AFF1: variants seen among roughly 807,000 people sequenced by gnomAD.
AFF1 encodes the protein AF4/FMR2 family member 1.
In AFF1, 48 loss-of-function variants were observed where a neutral mutation model predicts 121.7. That is an observed-to-expected ratio of 0.39 (90% CI 0.31 to 0.50). The LOEUF (loss-of-function observed/expected upper bound fraction) is 0.50. Among genes scored for constraint, AFF1 ranks in the 20% least tolerant of loss-of-function variants. AFF1 has a pLI of 0.76. For synonymous variants in AFF1, 613 were observed against 563.0 expected (o/e 1.09, Z -1.26); for missense variants, 1,523 against 1,511.7 (o/e 1.01, Z -0.12).
intron 2 of AFF1, among the ~76,000 whole-genome samples, chr4:86,975,492 C>G (rs1333746635): frequency 6.6e-6 from 1 of 152,140 alleles, no homozygotes; most frequent in Non-Finnish European, 1.5e-5. Flanking sequence ...CTCAAGTGAT[C>G]CTCCTGCCTC....
chr4:87,059,347 G>C (rs1720491686), intron 4 of AFF1, among the ~76,000 whole-genome samples: 1 of 152,032 alleles, frequency 6.6e-6, no homozygotes, highest in South Asian at 2.1e-4. Context: ...CCTTCCTCCT[G>C]GTCATCAGTT....
Position 87,105,650 on chromosome 4 carries a change from C to A in AFF1, c.1306C>A (p.Leu436Ile). Reference protein sequence around the residue: ...TSSMLEDDLQLSDSEDSDSEQ... With the variant: ...TSSMLEDDLQISDSEDSDSEQ... ...CAGCATGCTCGAAGACGACCTTCAG[C>A]TCAGTGACAGTGAGGACAGTGACAG... The change falls in exon 9 of 21, where the codon CTC becomes ATC. Residue 436 changes from leucine (L) to isoleucine (I), a missense_variant. Around this residue, in one of 5 missense-constraint regions of AFF1, gnomAD observed 905 missense variants for 842.5 expected, o/e 1.07. Coordinates refer to ENST00000395146, the MANE Select transcript of AFF1 (RefSeq NM_001166693.3). 6.2e-7 allele frequency: 1 copy of A among 1,614,194 alleles called. No individual in the cohort carries two copies. Among genetic ancestry groups the A allele is most frequent in the South Asian group, 1.1e-5 (1 of 91,086 alleles).
At chr4:87,039,200 A>G (rs540757717) in intron 2 of AFF1, among the ~76,000 whole-genome samples, 39 of 152,352 alleles carry the variant, frequency 2.6e-4, no homozygotes, top group African/African-American at 9.1e-4. Context: ...TTTAGTGTGA[A>G]GGAAAGAGAA....
rs987889908 is a variant in AFF1, at chr4:87,003,873, C to T, written c.39-42293C>T. Among the ~76,000 whole-genome samples the T allele has an allele frequency of 6.6e-5, 10 of 152,080 alleles. 1 individual carries two copies. The South Asian group carries it at 1.0e-3, about 16-fold the overall frequency. ...ATGCGTACAAAGGTATTTTGTTGTC[C>T]GATATAGATTTCTTACAAATGAAAA... On this transcript the variant is annotated intron_variant, in intron 2 of 20. Coordinates refer to ENST00000395146, the MANE Select transcript of AFF1 (RefSeq NM_001166693.3).
At chr4:86,993,366 C>T (rs1459994785) in intron 2 of AFF1, among the ~76,000 whole-genome samples, 1 of 152,066 alleles carries the variant, frequency 6.6e-6, no homozygotes, top group Non-Finnish European at 1.5e-5. Context: ...TTTTTTCTCC[C>T]ACAAATGAGG....
At chr4:87,002,534 T>C (rs528151966) in intron 2 of AFF1, among the ~76,000 whole-genome samples, 1 of 144,222 alleles carries the variant, frequency 6.9e-6, no homozygotes, top group African/African-American at 2.6e-5. Context: ...CAGGTTCAAG[T>C]AATTCTTCTG....
At chr4:86,952,653 TAAAG>T in intron 2 of AFF1, among the ~76,000 whole-genome samples, 1 of 145,968 alleles carries the variant, frequency 6.9e-6, no homozygotes, top group Admixed American at 6.8e-5. Context: ...TCCCAGGACT[TAAAG>T]TAAAAAAAAA....
At chr4:87,112,161 C>A (rs931154862) in intron 11 of AFF1, among the ~76,000 whole-genome samples, 1 of 152,194 alleles carries the variant, frequency 6.6e-6, no homozygotes, top group African/African-American at 2.4e-5. Flanking sequence ...CAGTTAACCA[C>A]TTATGTAACC....
chr4:87,107,575 T>C (rs1265934890), intron 10 of AFF1, among the ~76,000 whole-genome samples: 3 of 152,252 alleles, frequency 2.0e-5, no homozygotes, highest in African/African-American at 7.2e-5. Flanking sequence ...TAGTGGTCTT[T>C]GGCTACCACC....
intron 8 of AFF1, among the ~76,000 whole-genome samples, chr4:87,105,403 A>T (rs1203485616): frequency 2.6e-5 from 4 of 152,148 alleles, no homozygotes; most frequent in African/African-American, 4.8e-5. Flanking sequence ...CTTGCACTTA[A>T]CTGGTTTCTG....
At chr4:86,961,742 A>G (rs1722164569) in intron 2 of AFF1, among the ~76,000 whole-genome samples, 1 of 151,448 alleles carries the variant, frequency 6.6e-6, no homozygotes, top group South Asian at 2.1e-4. Flanking sequence ...AGCCCTTTTC[A>G]TCGCCGTGGT....
Position 87,138,114 on chromosome 4 carries a change from CT to C in AFF1, c.*2416del, listed in dbSNP as rs1729445233. 12 of 228,752 alleles carry C rather than the reference CT, an allele frequency of 5.2e-5. No homozygotes were observed. The South Asian group carries it at 2.2e-3, about 42-fold the overall frequency. 14.2% of individuals were successfully genotyped at this position (228,752 alleles called of 1,614,324 possible). A position where few individuals can be genotyped will look rare whatever the true frequency, so the allele number is the denominator to read the frequency against. ...AATGTGCATAGATCAATTTGTACTA[CT>C]TTGGTCATTGGATATTTCTGATCCT... On this transcript the variant is annotated 3_prime_UTR_variant, in exon 21 of 21. Coordinates refer to ENST00000395146, the MANE Select transcript of AFF1 (RefSeq NM_001166693.3).
intron 2 of AFF1, among the ~76,000 whole-genome samples, chr4:86,962,440 G>A (rs961864469): frequency 1.3e-5 from 2 of 152,148 alleles, no homozygotes; most frequent in Admixed American, 1.3e-4. Context: ...CCCATGGAGT[G>A]CTTGGTACTC....
intron 16 of AFF1, 75 bp downstream of exon 16, chr4:87,127,778 G>A (rs1728436215): frequency 4.9e-6 from 7 of 1,436,060 alleles, no homozygotes; most frequent in Non-Finnish European, 6.8e-6. Flanking sequence ...TCTCCATTCT[G>A]CTGTATTCCA....
At chr4:86,993,788 C>A (rs1464478193) in intron 2 of AFF1, among the ~76,000 whole-genome samples, 1 of 151,942 alleles carries the variant, frequency 6.6e-6, no homozygotes, top group African/African-American at 2.4e-5. Flanking sequence ...CATAGTGAAA[C>A]CCCATCTCTA....
At chr4:87,077,838 T>C (rs143157612) in intron 4 of AFF1, among the ~76,000 whole-genome samples, 238 of 152,374 alleles carry the variant, frequency 1.6e-3, no homozygotes, top group African/African-American at 5.6e-3. Context: ...TTGCGTAGCA[T>C]TTATTTCTTT....
chr4:86,996,545 T>G (rs1725219539), intron 2 of AFF1, among the ~76,000 whole-genome samples: 1 of 150,598 alleles, frequency 6.6e-6, no homozygotes, highest in Non-Finnish European at 1.5e-5. Flanking sequence ...TTAAGAGTCA[T>G]CACCACTCCC....
chr4:87,089,748 A>G (rs1199125671), intron 5 of AFF1, among the ~76,000 whole-genome samples: 4 of 152,214 alleles, frequency 2.6e-5, no homozygotes, highest in Non-Finnish European at 4.4e-5. Context: ...TTCACGTTCT[A>G]TACCTTGATT....
rs1454747874 is a variant in AFF1 at position 87,126,174 on chromosome 4, G to A, written c.2649G>A (p.Lys883=). Residue 883 remains lysine, a synonymous_variant, in exon 14 of 21, where the codon AAG becomes AAA. Transcript: ENST00000395146. ...PPPPVSSSSQ[K]PAKPALKRSR... is the part of the protein sequence containing the mutation. ...CACCCGTGTCCTCGTCCTCCCAGAA[G>A]CCAGCCAAGCCTGCACTTAAGAGGT... is the stretch of plus-strand genomic sequence containing the variant. 1.9e-6 allele frequency: 3 copies of A among 1,613,984 alleles called. No homozygotes were observed. In the South Asian group the frequency reaches 3.3e-5, roughly 18 times the overall value.
Sources: gnomAD v4.1 joint callset for allele counts (sites outside exome capture counted in the v4.1 genomes callset) on GRCh38, gnomAD v4.1.1 for gene constraint, gnomAD v4.1.1 regional missense constraint, MANE v1.5 for transcripts, NCBI Gene and HGNC (gene_info 2026-07-23, HGNC 2026-07-21) for gene names.